The following SNCAIP variants were observed in gnomAD, a reference collection of about 807,000 sequenced individuals.
SNCAIP encodes the protein synphilin-1.
Under a neutral mutation model 86.7 loss-of-function variants are expected in SNCAIP, and 43 were observed. That is an observed-to-expected ratio of 0.50 (90% CI 0.39 to 0.64). SNCAIP has a LOEUF of 0.64. Ranked by LOEUF, SNCAIP falls within the 30% of genes least tolerant of loss-of-function variation. SNCAIP has a pLI of 0.00. For missense variants in SNCAIP, 981 were observed against 1,103.1 expected, an observed-to-expected ratio of 0.89 and a Z score of 1.57; for synonymous variants, 417 against 427.2, an observed-to-expected ratio of 0.98 and a Z score of 0.29.
At chr5:122,397,233 C>T (rs1057498099) in intron 2 of SNCAIP, among the ~76,000 whole-genome samples, 1 of 152,102 alleles carries the variant, frequency 6.6e-6, no homozygotes, top group Non-Finnish European at 1.5e-5. Flanking sequence ...TTGAAAATTA[C>T]ATCTGCTGGG....
At chr5:122,429,328 T>C (rs1440104970) in intron 5 of SNCAIP, among the ~76,000 whole-genome samples, 1 of 147,452 alleles carries the variant, frequency 6.8e-6, no homozygotes, top group Non-Finnish European at 1.5e-5. Flanking sequence ...AGGAAGGAAA[T>C]AATAAAAATT....
At chr5:122,337,541 T>C (rs571707678) in intron 1 of SNCAIP, among the ~76,000 whole-genome samples, 1 of 152,142 alleles carries the variant, frequency 6.6e-6, no homozygotes, top group East Asian at 1.9e-4. Context: ...GTTTGTTTGT[T>C]TGTTTGTTTG....
At chr5:122,405,214 G>A (rs17149141) in intron 3 of SNCAIP, among the ~76,000 whole-genome samples, 19,011 of 152,140 alleles carry the variant, frequency 0.12, 1,247 homozygotes, top group South Asian at 0.24. Flanking sequence ...TCAGCTAAAT[G>A]ACCTTGAATC....
intron 1 of SNCAIP, among the ~76,000 whole-genome samples, chr5:122,385,918 T>C (rs924191597): frequency 1.3e-5 from 2 of 152,130 alleles, no homozygotes; most frequent in Non-Finnish European, 2.9e-5. Flanking sequence ...AAAGGAGAAA[T>C]CTGTGTAACA....
chr5:122,383,703 A>G (rs1356310042), intron 1 of SNCAIP: 1 of 152,194 alleles, frequency 6.6e-6, no homozygotes, highest in East Asian at 1.9e-4. Flanking sequence ...TGACCTCCAA[A>G]TCACTTGCAA....
At chr5:122,320,346 C>T (rs1320854674) in intron 1 of SNCAIP, among the ~76,000 whole-genome samples, 1 of 152,142 alleles carries the variant, frequency 6.6e-6, no homozygotes, top group East Asian at 1.9e-4. Context: ...CTCCATGTGA[C>T]CCCTCTTCCA....
At chr5:122,344,721 G>T (rs1758257300) in intron 1 of SNCAIP, among the ~76,000 whole-genome samples, 1 of 152,146 alleles carries the variant, frequency 6.6e-6, no homozygotes, top group Non-Finnish European at 1.5e-5. Context: ...GCTAACAATT[G>T]AGAGTTTTGA....
intron 1 of SNCAIP, among the ~76,000 whole-genome samples, chr5:122,374,154 AAAG>A (rs1764810005): frequency 6.6e-6 from 1 of 152,158 alleles, no homozygotes; most frequent in African/African-American, 2.4e-5. Flanking sequence ...TTTCAGAGAG[AAAG>A]AAGATGACAT....
chr5:122,413,974 A>C (rs1010954921), intron 3 of SNCAIP, among the ~76,000 whole-genome samples: 1 of 152,136 alleles, frequency 6.6e-6, no homozygotes, highest in African/African-American at 2.4e-5. Context: ...AATTGGTACA[A>C]TCATAGCTCA....
intron 6 of SNCAIP, among the ~76,000 whole-genome samples, chr5:122,435,693 G>C (rs1174066244): frequency 6.6e-6 from 1 of 152,048 alleles, no homozygotes; most frequent in Non-Finnish European, 1.5e-5. Context: ...AAAAAGAAAA[G>C]GCTCAGCAAT....
chr5:122,328,646 C>T (rs1754619252), intron 1 of SNCAIP, among the ~76,000 whole-genome samples: 1 of 152,164 alleles, frequency 6.6e-6, no homozygotes, highest in Non-Finnish European at 1.5e-5. Flanking sequence ...GAATTCTACA[C>T]CTTTCTGATC....
chr5:122,355,237 T>A (rs1363029739), intron 1 of SNCAIP, among the ~76,000 whole-genome samples: 1 of 152,200 alleles, frequency 6.6e-6, no homozygotes, highest in Non-Finnish European at 1.5e-5. Flanking sequence ...ATGGTTAAGA[T>A]CTCTTGAAGT....
chr5:122,444,956 A>G (rs577142893), intron 8 of SNCAIP: 1 of 562,102 alleles, frequency 1.8e-6, no homozygotes, highest in Admixed American at 2.8e-5. Flanking sequence ...GTGTACAGCA[A>G]GCTCCCAAAG....
At chr5:122,446,288 A>G (rs1395844209) in intron 8 of SNCAIP, among the ~76,000 whole-genome samples, 1 of 152,246 alleles carries the variant, frequency 6.6e-6, no homozygotes, top group African/African-American at 2.4e-5. Context: ...ATGCTATACT[A>G]ATGTCCACTC....
At chr5:122,337,015 C>G (rs969211982) in intron 1 of SNCAIP, 3 of 152,178 alleles carry the variant, frequency 2.0e-5, no homozygotes, top group African/African-American at 7.2e-5. Flanking sequence ...ACTTCTGCCT[C>G]CATTTAGTCG....
chr5:122,440,837 A>G, intron 7 of SNCAIP, 83 bp downstream of exon 7: 1 of 1,271,308 alleles, frequency 7.9e-7, no homozygotes, highest in Non-Finnish European at 1.1e-6. Context: ...CACTAGGAGA[A>G]TGTCTGAATT....
intron 8 of SNCAIP, 160 bp downstream of exon 8, chr5:122,444,892 G>A (rs547983906): frequency 1.4e-5 from 10 of 711,628 alleles, no homozygotes; most frequent in East Asian, 5.4e-5. Flanking sequence ...CACAGCCAGC[G>A]TTCGTGCTGA....
intron 8 of SNCAIP, among the ~76,000 whole-genome samples, chr5:122,445,266 G>A (rs1190045849): frequency 1.3e-5 from 2 of 152,112 alleles, no homozygotes; most frequent in African/African-American, 4.8e-5. Context: ...ATAAAAAATA[G>A]TGCTCAGTCA....
At chr5:122,446,835 T>C (rs997345874) in intron 8 of SNCAIP, among the ~76,000 whole-genome samples, 8 of 152,188 alleles carry the variant, frequency 5.3e-5, no homozygotes, top group African/African-American at 1.9e-4. Flanking sequence ...CTTGAGTGCC[T>C]TTTCCAACCT....
Sources: allele counts gnomAD v4.1 joint callset (sites outside exome capture counted in the v4.1 genomes callset), GRCh38; gene constraint gnomAD v4.1.1; transcripts MANE v1.5; gene names NCBI Gene and HGNC (gene_info 2026-07-23, HGNC 2026-07-21).